FRYL: variants seen among roughly 807,000 people sequenced by gnomAD.
The protein encoded by FRYL is FRY like transcription coactivator.
In FRYL, 150 loss-of-function variants were observed where a neutral mutation model predicts 351.2. The ratio of observed to expected loss-of-function variants is 0.43; its 90% confidence interval spans 0.37 to 0.49. The LOEUF is 0.49. Ranked by LOEUF, FRYL falls within the 20% of genes least tolerant of loss-of-function variation. The pLI is 0.00. For synonymous variants in FRYL, 1,153 were observed against 1,257.1 expected (o/e 0.92, Z 1.75); for missense variants, 3,036 against 3,619.3 (o/e 0.84, Z 4.13).
At chr4:48,692,862 G>A (rs1016979516) in intron 2 of FRYL, among the ~76,000 whole-genome samples, 13 of 152,136 alleles carry the variant, frequency 8.5e-5, no homozygotes, top group African/African-American at 2.9e-4. Context: ...ATAAAAGAAC[G>A]GACTAAAAGA....
At chr4:48,612,423 T>A (rs1451406901) in intron 7 of FRYL, among the ~76,000 whole-genome samples, 1 of 152,160 alleles carries the variant, frequency 6.6e-6, no homozygotes, top group Non-Finnish European at 1.5e-5. Context: ...GTAATTCTTG[T>A]GTATCTACGG....
intron 4 of FRYL, among the ~76,000 whole-genome samples, chr4:48,628,577 A>C (rs1474148493): frequency 1.3e-5 from 2 of 152,028 alleles, no homozygotes; most frequent in African/African-American, 4.8e-5. Flanking sequence ...AATTACGACT[A>C]GAGTGGGGGG....
intron 56 of FRYL, among the ~76,000 whole-genome samples, chr4:48,513,895 AAGCCAAAT>A (rs1312240648): frequency 6.6e-6 from 1 of 152,224 alleles, no homozygotes; most frequent in Admixed American, 6.5e-5. Context: ...GCCTTTTAGA[AAGCCAAAT>A]AGCTGAATAA....
At chr4:48,590,400 C>A (rs1412720070) in intron 17 of FRYL, among the ~76,000 whole-genome samples, 1 of 152,096 alleles carries the variant, frequency 6.6e-6, no homozygotes, top group East Asian at 1.9e-4. Context: ...ATGAAAATCA[C>A]TTGAACTCAG....
chr4:48,576,304 C>CTTT (rs780306789), intron 23 of FRYL, 82 bp from the exon 24 acceptor site: 101 of 769,614 alleles, frequency 1.3e-4, no homozygotes, highest in Middle Eastern at 4.2e-4. Context: ...TGCTAAATTT[C>CTTT]TTTTTTTTTT....
chr4:48,689,397 T>C (rs1416395069), intron 2 of FRYL, among the ~76,000 whole-genome samples: 2 of 152,160 alleles, frequency 1.3e-5, no homozygotes, highest in African/African-American at 2.4e-5. Flanking sequence ...CACAGAAAAA[T>C]GGAATTCAAC....
chr4:48,526,984 A>C (rs183722665), intron 53 of FRYL, among the ~76,000 whole-genome samples: 3 of 152,288 alleles, frequency 2.0e-5, no homozygotes, highest in Non-Finnish European at 4.4e-5. Context: ...GTGATATGTC[A>C]ATTTAGTGGT....
At chr4:48,556,303 G>A (rs553384071) in intron 35 of FRYL, among the ~76,000 whole-genome samples, 58 of 152,344 alleles carry the variant, frequency 3.8e-4, no homozygotes, top group African/African-American at 1.3e-3. Context: ...AAAGACATGT[G>A]AGCATGTGTG....
At position 48,557,937 on chromosome 4, in the gene FRYL, A is replaced by T. The variant is rs571766781; in HGVS notation, c.3866-225T>A. Among the ~76,000 whole-genome samples the T allele has an allele frequency of 2.0e-5, 3 of 152,352 alleles. No individual in the cohort carries two copies. The South Asian group carries it at 6.2e-4, about 32-fold the overall frequency. Reference sequence around the variant, plus strand: ...TTATACAAAATACTTTTGGCAGTTAAAATAAATGTTTGTGCACTGTTGGTG... The same window carrying T: ...TTATACAAAATACTTTTGGCAGTTATAATAAATGTTTGTGCACTGTTGGTG... On this transcript the variant is annotated intron_variant, in intron 33 of 63. Coordinates refer to ENST00000358350, the MANE Select transcript of FRYL (RefSeq NM_015030.2).
rs1750962922 is a variant in FRYL, at chr4:48,622,916, CA to C, written c.174+209del. ...GTGAAAGGTACATTAAAGAGATTAA[CA>C]ATGAAAAGCTGTAAAATGCTAAATG... is the stretch of plus-strand genomic sequence containing the variant. On this transcript the variant is annotated intron_variant, in intron 5 of 63. Transcript: ENST00000358350. 2.0e-5 allele frequency among the ~76,000 whole-genome samples: 3 copies of C among 152,052 alleles called. No homozygotes were observed. The South Asian group carries it at 6.2e-4, about 32-fold the overall frequency.
chr4:48,760,015 A>G (rs1774237502), intron 1 of FRYL, among the ~76,000 whole-genome samples: 1 of 152,010 alleles, frequency 6.6e-6, no homozygotes, highest in Admixed American at 6.6e-5. Context: ...GATCCTCACA[A>G]CTCTAAAGGA....
At chr4:48,576,955 T>G (rs1739752759) in intron 23 of FRYL, among the ~76,000 whole-genome samples, 1 of 152,178 alleles carries the variant, frequency 6.6e-6, no homozygotes, top group South Asian at 2.1e-4. Context: ...GTATCTACCT[T>G]TTAGACTTAC....
At chr4:48,542,565 C>T (rs1280485824) in intron 44 of FRYL, among the ~76,000 whole-genome samples, 9 of 152,142 alleles carry the variant, frequency 5.9e-5, no homozygotes, top group South Asian at 2.1e-4. Flanking sequence ...TACAGGCATG[C>T]GCCTGCACAC....
intron 5 of FRYL, among the ~76,000 whole-genome samples, chr4:48,622,259 A>G (rs901953401): frequency 2.0e-5 from 3 of 152,224 alleles, no homozygotes; most frequent in African/African-American, 7.2e-5. Context: ...AATAATCTAA[A>G]TAACTTTTGT....
chr4:48,516,513 C>T (rs141587120), intron 55 of FRYL, among the ~76,000 whole-genome samples: 6 of 152,098 alleles, frequency 3.9e-5, no homozygotes, highest in Middle Eastern at 6.3e-3. Flanking sequence ...GTATTTGGAC[C>T]TAAGTTACTT....
Position 48,551,495 on chromosome 4 carries a change from T to A in FRYL, c.4519A>T (p.Ser1507Cys). Residue 1507 changes from serine to cysteine, a missense_variant and splice_region_variant, in exon 37 of 64, where the codon AGC becomes TGC. By Grantham distance (112) the Ser-to-Cys change is moderately radical. Around this residue, in one of 7 missense-constraint regions of FRYL, gnomAD observed 1,987 missense variants for 2,311.7 expected, o/e 0.86. Transcript: ENST00000358350. ...NKPIKENIEE[S>C]YVHLDIYSGL... ...AATACAGAACAGAGAAGTACTTACC[T>A]CTCTTCAATATTCTCTTTAATGGGC... The A allele has an allele frequency of 6.3e-7, 1 of 1,585,362 alleles. No homozygotes were observed.
intron 4 of FRYL, among the ~76,000 whole-genome samples, chr4:48,627,798 T>TA (rs944457417): frequency 1.3e-5 from 2 of 152,150 alleles, no homozygotes; most frequent in Admixed American, 6.5e-5. Flanking sequence ...TTTTTTTATA[T>TA]AAAAAAACTG....
At chr4:48,581,994 T>C (rs1741036242) in intron 20 of FRYL, among the ~76,000 whole-genome samples, 1 of 152,180 alleles carries the variant, frequency 6.6e-6, no homozygotes, top group Non-Finnish European at 1.5e-5. Context: ...AGGGCCCTGT[T>C]GATTTGCATG....
At chr4:48,619,021 A>G (rs1750123907) in intron 7 of FRYL, 2 of 344,438 alleles carry the variant, frequency 5.8e-6, no homozygotes, top group Admixed American at 9.7e-5. Flanking sequence ...TATTAACACA[A>G]TTTCCATTCA....
Sources: gnomAD v4.1 joint callset for allele counts (sites outside exome capture counted in the v4.1 genomes callset) on GRCh38, gnomAD v4.1.1 for gene constraint, gnomAD v4.1.1 regional missense constraint, MANE v1.5 for transcripts, NCBI Gene and HGNC (gene_info 2026-07-23, HGNC 2026-07-21) for gene names.